RIF1: variants seen among roughly 807,000 people sequenced by gnomAD.
The protein encoded by RIF1 is replication timing regulatory factor 1, also known as telomere-associated protein RIF1.
In RIF1, 45 loss-of-function variants were observed where a neutral mutation model predicts 247.1. The ratio of observed to expected loss-of-function variants is 0.18; its 90% CI spans 0.14 to 0.23. The LOEUF (loss-of-function observed/expected upper bound fraction) is 0.23, where lower values mean the gene tolerates loss of function less well. RIF1 is among the 10% of genes least tolerant of loss of function. The pLI is 1.00. For missense variants in RIF1, 2,967 were observed against 2,862.5 expected (o/e 1.04, Z -0.83); for synonymous variants, 1,087 against 978.8 (o/e 1.11, Z -2.06).
chr2:151,503,337 A>G (rs765272747), intron 12 of RIF1: 1 of 1,569,272 alleles, frequency 6.4e-7, no homozygotes, highest in Admixed American at 1.7e-5. Context: ...TATATGATAT[A>G]TTTGTAAATA....
At chr2:151,411,570 T>A (rs1375373772) in intron 3 of RIF1, among the ~76,000 whole-genome samples, 4 of 152,062 alleles carry the variant, frequency 2.6e-5, no homozygotes, top group Non-Finnish European at 5.9e-5. Context: ...CCCGGCTAAT[T>A]TTGTATTTTT....
intron 34 of RIF1, among the ~76,000 whole-genome samples, chr2:151,471,100 C>T (rs1443529032): frequency 2.0e-5 from 3 of 152,104 alleles, no homozygotes; most frequent in Non-Finnish European, 4.4e-5. Context: ...CAGCCAATGC[C>T]TACTTTTCCT....
chr2:151,510,219 C>T (rs1044429853), downstream of RIF1, among the ~76,000 whole-genome samples: 3 of 152,120 alleles, frequency 2.0e-5, no homozygotes, highest in Admixed American at 1.3e-4. Context: ...CCCCAATAAA[C>T]TTGTTTGTGG....
intron 10 of RIF1, chr2:151,497,647 G>T (rs755600124): frequency 3.6e-5 from 57 of 1,579,802 alleles, no homozygotes; most frequent in Non-Finnish European, 4.9e-5. Context: ...TTTCTTGATT[G>T]TGTTTGACTC....
chr2:151,530,716 A>C, the RIF1 span: 3 of 319,516 alleles, frequency 9.4e-6, no homozygotes, highest in African/African-American at 6.3e-5. Context: ...CCCAGCTCCC[A>C]GCCCGCAGCC....
downstream of RIF1, among the ~76,000 whole-genome samples, chr2:151,511,411 G>C (rs868482104): frequency 6.6e-6 from 1 of 152,030 alleles, no homozygotes. Flanking sequence ...TCCAGTAAAG[G>C]GTTGAAATCC....
chr2:151,495,077 C>T (rs537229270), intron 9 of RIF1: 1 of 152,380 alleles, frequency 6.6e-6, no homozygotes, highest in South Asian at 2.1e-4. Context: ...ATCCTCTATG[C>T]TCTGCCTCTT....
intron 6 of RIF1, among the ~76,000 whole-genome samples, chr2:151,418,968 CTTTTTTTT>C (rs36020810): frequency 1.8e-5 from 2 of 111,774 alleles, no homozygotes; most frequent in Admixed American, 9.6e-5. Context: ...GCCTTAAATT[CTTTTTTTT>C]TTTTTTTTTT....
chr2:151,514,008 C>T, the RIF1 span, among the ~76,000 whole-genome samples: 1 of 152,196 alleles, frequency 6.6e-6, no homozygotes, highest in South Asian at 2.1e-4. Context: ...TAAGATTACA[C>T]TTAGGTGCAC....
chr2:151,523,877 G>A, the RIF1 span, among the ~76,000 whole-genome samples: 2 of 152,040 alleles, frequency 1.3e-5, no homozygotes, highest in African/African-American at 4.8e-5. Flanking sequence ...GTTAATATAT[G>A]TATGTTTAAT....
chr2:151,470,967 G>A (rs1697707762), intron 34 of RIF1, among the ~76,000 whole-genome samples: 1 of 152,064 alleles, frequency 6.6e-6, no homozygotes, highest in Non-Finnish European at 1.5e-5. Flanking sequence ...TATGGGTGCA[G>A]TTAGTTTTTA....
At chr2:151,419,942 A>G (rs1199368805) in intron 6 of RIF1, among the ~76,000 whole-genome samples, 1 of 152,182 alleles carries the variant, frequency 6.6e-6, no homozygotes, top group African/African-American at 2.4e-5. Context: ...CCAATCCCCC[A>G]GGGATACTGA....
In RIF1 at chr2:151,441,946, A is replaced by G. The variant is rs779775654; in HGVS notation, c.1689A>G (p.Val563=). Residue 563 remains valine (V), a synonymous_variant, in exon 16 of 36, where the codon GTA becomes GTG. Coordinates refer to ENST00000444746, the MANE Select transcript of RIF1 (RefSeq NM_018151.5). ...EITIKGLPQK[V]LGSPAYQVAN... The stretch of plus-strand genomic sequence containing the variant: ...CAATTAAAGGACTTCCTCAGAAAGT[A>G]TTAGGTTCACCAGCATATCAGGTTG... 2.6e-6 allele frequency: 4 copies of G among 1,568,212 alleles called. No individual in the cohort carries two copies. In the Admixed American group the frequency reaches 5.5e-5, roughly 21 times the overall value.
rs1685864825 is a variant in RIF1, at chr2:151,410,025, T to G, written c.-19T>G. The G allele has an allele frequency of 1.4e-6, 1 of 702,788 alleles. No homozygotes were observed. The allele number at this position is 702,788 out of a possible 1,614,324, so 43.5% of individuals were successfully genotyped here. A position where few individuals can be genotyped will look rare whatever the true frequency, so the allele number is the denominator to read the frequency against. ...AGAGGCGGAGAGAACCCTGTCCTGA[T>G]CTTCCTAGGTGGGATAAATATCGGG... On this transcript the variant is annotated 5_prime_UTR_variant, in exon 1 of 36. Transcript: ENST00000444746.
chr2:151,492,569 A>T (rs527281505), intron 9 of RIF1: 154 of 1,129,068 alleles, frequency 1.4e-4, no homozygotes, highest in Non-Finnish European at 1.8e-4. Context: ...GCAGATAGAG[A>T]TGGATAGGAG....
chr2:151,427,232 G>C (rs1689258589), intron 8 of RIF1, among the ~76,000 whole-genome samples: 2 of 149,332 alleles, frequency 1.3e-5, no homozygotes, highest in Admixed American at 6.7e-5. Flanking sequence ...TTTTTTTTGA[G>C]ACAGAGTTTC....
At chr2:151,507,152 C>T in intron 13 of RIF1, 1 of 573,156 alleles carries the variant, frequency 1.7e-6, no homozygotes, top group Non-Finnish European at 3.0e-6. Flanking sequence ...TCTGGTAGCC[C>T]AAGGGAAATT....
intron 9 of RIF1, among the ~76,000 whole-genome samples, chr2:151,430,671 C>A (rs559512364): frequency 6.6e-6 from 1 of 151,788 alleles, no homozygotes; most frequent in Non-Finnish European, 1.5e-5. Flanking sequence ...CATAGTTTCC[C>A]CCCCTCCCCC....
chr2:151,412,671 C>CT (rs1397260088), intron 3 of RIF1, among the ~76,000 whole-genome samples: 1 of 152,022 alleles, frequency 6.6e-6, no homozygotes, highest in Non-Finnish European at 1.5e-5. Context: ...TTAGTAGAGA[C>CT]GGGCTTTCAC....
Sources: gnomAD v4.1 joint callset for allele counts (sites outside exome capture counted in the v4.1 genomes callset) on GRCh38, gnomAD v4.1.1 for gene constraint, MANE v1.5 for transcripts, NCBI Gene and HGNC (gene_info 2026-07-23, HGNC 2026-07-21) for gene names.